The following HPSE2 variants were observed in gnomAD, a reference collection of about 807,000 sequenced individuals.
HPSE2 encodes the protein inactive heparanase-2.
A neutral mutation model predicts 60.5 loss-of-function variants in HPSE2; 38 were observed. That is an observed-to-expected ratio of 0.63 (90% CI 0.48 to 0.82). HPSE2 has a LOEUF of 0.82. Among genes scored for constraint, HPSE2 ranks in the 40% least tolerant of loss-of-function variants. HPSE2 has a pLI of 0.00. For missense variants in HPSE2, 713 were observed against 740.4 expected, an observed-to-expected ratio of 0.96 and a Z score of 0.43; for synonymous variants, 295 against 293.2, an observed-to-expected ratio of 1.01 and a Z score of -0.06.
the HPSE2 span, among the ~76,000 whole-genome samples, chr10:99,272,977 T>C: frequency 2.0e-5 from 3 of 152,192 alleles, no homozygotes; most frequent in Non-Finnish European, 2.9e-5. Flanking sequence ...TGCATGTTTA[T>C]AGCAGCACAA....
intron 3 of HPSE2, among the ~76,000 whole-genome samples, chr10:98,843,879 G>C (rs935101445): frequency 1.3e-5 from 2 of 152,132 alleles, no homozygotes; most frequent in Non-Finnish European, 2.9e-5. Context: ...CTTAATTTTA[G>C]ATACATATAT....
At chr10:98,709,646 C>T (rs1008260639) in intron 5 of HPSE2, among the ~76,000 whole-genome samples, 3 of 152,194 alleles carry the variant, frequency 2.0e-5, no homozygotes, top group Non-Finnish European at 4.4e-5. Context: ...TAGAAAATAA[C>T]AAAATATCTC....
intron 3 of HPSE2, among the ~76,000 whole-genome samples, chr10:98,969,322 T>G (rs1277673431): frequency 6.6e-6 from 1 of 152,184 alleles, no homozygotes; most frequent in Non-Finnish European, 1.5e-5. Context: ...AAGGTTTCTA[T>G]ACTAATCTTT....
intron 7 of HPSE2, among the ~76,000 whole-genome samples, chr10:98,632,406 C>A (rs1332762615): frequency 1.3e-5 from 2 of 152,108 alleles, no homozygotes; most frequent in East Asian, 3.8e-4. Flanking sequence ...ATGGTGAATT[C>A]TCTAATATTT....
intron 3 of HPSE2, among the ~76,000 whole-genome samples, chr10:99,081,581 A>AGATGAT (rs34159388): frequency 0.04 from 5,861 of 147,340 alleles, 140 homozygotes; most frequent in South Asian, 0.083. Context: ...CTACTACTAA[A>AGATGAT]GATGATGATG....
At chr10:99,143,507 G>A (rs1317553169) in intron 3 of HPSE2, among the ~76,000 whole-genome samples, 4 of 152,120 alleles carry the variant, frequency 2.6e-5, no homozygotes, top group East Asian at 3.8e-4. Context: ...TCACTATAAC[G>A]TAGGTCTGCC....
At chr10:98,775,715 T>G (rs894359725) in intron 3 of HPSE2, among the ~76,000 whole-genome samples, 6 of 152,142 alleles carry the variant, frequency 3.9e-5, no homozygotes, top group African/African-American at 1.4e-4. Flanking sequence ...ACCTATATAC[T>G]AATATTGTAG....
chr10:98,496,687 A>G (rs980671867), intron 9 of HPSE2, among the ~76,000 whole-genome samples: 1 of 152,254 alleles, frequency 6.6e-6, no homozygotes, highest in Non-Finnish European at 1.5e-5. Flanking sequence ...AAACAGTTAC[A>G]TGAGACAGAC....
chr10:98,463,627 C>A (rs531470687), intron 11 of HPSE2, among the ~76,000 whole-genome samples: 1 of 151,470 alleles, frequency 6.6e-6, no homozygotes, highest in East Asian at 1.9e-4. Context: ...CATAGTGAGA[C>A]CCCCATCTCT....
intron 3 of HPSE2, among the ~76,000 whole-genome samples, chr10:99,142,118 A>T (rs1845885656): frequency 6.6e-6 from 1 of 152,218 alleles, no homozygotes; most frequent in South Asian, 2.1e-4. Context: ...TACAGAAAGA[A>T]ATCCTGGACT....
intron 3 of HPSE2, among the ~76,000 whole-genome samples, chr10:98,753,521 T>C (rs959997375): frequency 3.9e-5 from 6 of 152,170 alleles, no homozygotes; most frequent in South Asian, 2.1e-4. Flanking sequence ...CTAATAAATA[T>C]ATAAACAAAA....
At chr10:99,077,173 T>C (rs557165567) in intron 3 of HPSE2, among the ~76,000 whole-genome samples, 1 of 152,332 alleles carries the variant, frequency 6.6e-6, no homozygotes, top group African/African-American at 2.4e-5. Flanking sequence ...TTTGACTACA[T>C]TGTGTCTTGG....
At chr10:99,235,966 T>TCTCGCTCG (rs140848494), upstream of HPSE2, 3 of 480,612 alleles carry the variant, frequency 6.2e-6, no homozygotes, top group African/African-American at 8.0e-5. Context: ...TCTCTCTCTC[T>TCTCGCTCG]CTCGCTCGCT....
intron 2 of HPSE2, among the ~76,000 whole-genome samples, chr10:99,222,941 C>T (rs1233529210): frequency 6.6e-6 from 1 of 152,100 alleles, no homozygotes. Flanking sequence ...CTCCACAATG[C>T]TTAGTTTAGG....
chr10:99,078,407 C>G lies in HPSE2; in HGVS notation c.610+65831G>C, dbSNP rs534841519. Reference sequence around the variant, plus strand: ...TATTTGCATATAATCTATGCATATTCTCCCATGTACTTTAAATCATCTCTA... The same window carrying G: ...TATTTGCATATAATCTATGCATATTGTCCCATGTACTTTAAATCATCTCTA... On this transcript the variant is annotated intron_variant, in intron 3 of 11. Transcript: ENST00000370552. 3.3e-5 allele frequency among the ~76,000 whole-genome samples: 5 copies of G among 152,220 alleles called. No homozygotes were observed. The South Asian group carries it at 1.0e-3, about 32-fold the overall frequency.
At chr10:98,988,963 T>C (rs1956449037) in intron 3 of HPSE2, among the ~76,000 whole-genome samples, 1 of 146,216 alleles carries the variant, frequency 6.8e-6, no homozygotes, top group African/African-American at 2.5e-5. Flanking sequence ...CTCACACCAG[T>C]TAGAATGGCA....
intron 6 of HPSE2, among the ~76,000 whole-genome samples, chr10:98,669,962 C>G (rs1007518845): frequency 1.3e-5 from 2 of 152,046 alleles, no homozygotes; most frequent in Non-Finnish European, 2.9e-5. Context: ...CAAAAGGAGG[C>G]CAGGAAAGGC....
intron 3 of HPSE2, among the ~76,000 whole-genome samples, chr10:99,082,601 T>C (rs1243220174): frequency 6.6e-6 from 1 of 152,122 alleles, no homozygotes; most frequent in Admixed American, 6.6e-5. Flanking sequence ...ACAGAAAAAG[T>C]AGAAGAAAGA....
At chr10:98,781,230 C>T (rs949324923) in intron 3 of HPSE2, among the ~76,000 whole-genome samples, 1 of 151,308 alleles carries the variant, frequency 6.6e-6, no homozygotes, top group Admixed American at 6.6e-5. Flanking sequence ...GGCTACCATA[C>T]CCAAAATTTC....
Sources: gnomAD v4.1 joint callset for allele counts (sites outside exome capture counted in the v4.1 genomes callset) on GRCh38, gnomAD v4.1.1 for gene constraint, MANE v1.5 for transcripts, NCBI Gene and HGNC (gene_info 2026-07-23, HGNC 2026-07-21) for gene names.